SLC26A7: variants seen among roughly 807,000 people sequenced by gnomAD.
The protein encoded by SLC26A7 is anion exchange transporter.
A neutral mutation model predicts 82.5 loss-of-function variants in SLC26A7; 59 were observed. That is an observed-to-expected ratio of 0.72 (90% CI 0.58 to 0.89). SLC26A7 has a LOEUF of 0.89. Ranked by LOEUF, SLC26A7 falls within the 40% of genes least tolerant of loss-of-function variation. The pLI is 0.00. For missense variants in SLC26A7, 820 were observed against 793.0 expected (o/e 1.03, Z -0.41); for synonymous variants, 271 against 274.3 (o/e 0.99, Z 0.12).
At chr8:91,340,248 C>T (rs544336931) in intron 7 of SLC26A7, among the ~76,000 whole-genome samples, 156 bp from the exon 8 acceptor site, 52 of 152,258 alleles carry the variant, frequency 3.4e-4, no homozygotes, top group South Asian at 1.2e-3. Flanking sequence ...ATGTTGAAAA[C>T]GAAGGGCTTC....
At chr8:91,386,098 G>A (rs1300623548) in intron 15 of SLC26A7, among the ~76,000 whole-genome samples, 2 of 152,092 alleles carry the variant, frequency 1.3e-5, no homozygotes, top group African/African-American at 4.8e-5. Flanking sequence ...CATTAGCCAT[G>A]TTTGCCATGG....
intron 3 of SLC26A7, among the ~76,000 whole-genome samples, chr8:91,290,060 A>G (rs973770491): frequency 2.0e-5 from 3 of 152,240 alleles, no homozygotes; most frequent in African/African-American, 7.2e-5. Flanking sequence ...GCCTAATTTA[A>G]TACTTGCTAC....
At chr8:91,258,161 T>G (rs1208268402) in intron 2 of SLC26A7, among the ~76,000 whole-genome samples, 3 of 152,090 alleles carry the variant, frequency 2.0e-5, no homozygotes, top group Non-Finnish European at 2.9e-5. Flanking sequence ...AGAGCCACAC[T>G]ATATCACCCA....
chr8:91,323,757 G>C (rs1330342568), intron 5 of SLC26A7, among the ~76,000 whole-genome samples: 2 of 150,928 alleles, frequency 1.3e-5, no homozygotes, highest in African/African-American at 4.9e-5. Context: ...TGTTTGTACT[G>C]ATAAAAATAC....
chr8:91,266,913 T>C (rs1391962019), intron 2 of SLC26A7, among the ~76,000 whole-genome samples: 1 of 151,992 alleles, frequency 6.6e-6, no homozygotes, highest in Admixed American at 6.6e-5. Context: ...GTATATTCCT[T>C]CCATATCTAA....
rs1457798306 is a variant in SLC26A7 at position 91,348,308 on chromosome 8, G to A, written c.1141-3502G>A. On this transcript the variant is annotated intron_variant, in intron 9 of 18. Transcript: ENST00000276609. ...CACTACTTTCCACAAGACTGCACAT[G>A]CAGTGAGTTCGAGAACTACTTATGC... is the stretch of plus-strand genomic sequence containing the variant. 4 of 984,988 alleles carry A rather than the reference G, an allele frequency of 4.1e-6. No homozygotes were observed. The East Asian group carries it at 4.5e-4, about 112-fold the overall frequency. 61.0% of individuals were successfully genotyped at this position (984,988 alleles called of 1,614,324 possible). A position where few individuals can be genotyped will look rare whatever the true frequency, so the allele number is the denominator to read the frequency against.
At chr8:91,346,362 C>CT (rs1813564157) in intron 9 of SLC26A7, among the ~76,000 whole-genome samples, 1 of 152,096 alleles carries the variant, frequency 6.6e-6, no homozygotes, top group South Asian at 2.1e-4. Flanking sequence ...CGAGGAAGCA[C>CT]TATGTAAGCC....
intron 1 of SLC26A7, among the ~76,000 whole-genome samples, chr8:91,215,955 T>C (rs1009591120): frequency 1.3e-5 from 2 of 152,186 alleles, no homozygotes; most frequent in Admixed American, 1.3e-4. Flanking sequence ...GTTAAGGTGG[T>C]ACGAGAATTT....
intron 2 of SLC26A7, among the ~76,000 whole-genome samples, chr8:91,263,074 A>G (rs984949482): frequency 1.3e-5 from 2 of 152,068 alleles, no homozygotes; most frequent in Non-Finnish European, 2.9e-5. Context: ...ATTGCAACAA[A>G]GTGATTGGTA....
chr8:91,359,070 A>G (rs1813971834), intron 11 of SLC26A7, among the ~76,000 whole-genome samples: 1 of 152,248 alleles, frequency 6.6e-6, no homozygotes, highest in Admixed American at 6.5e-5. Context: ...CCTAGAACTT[A>G]AAGTATAATA....
chr8:91,328,045 T>G lies in SLC26A7; in HGVS notation c.643-6250T>G, dbSNP rs137857819. Among the ~76,000 whole-genome samples, 224 of 152,282 alleles carry G rather than the reference T, an allele frequency of 1.5e-3. 2 individuals carry two copies. Among genetic ancestry groups the G allele is most frequent in the African/African-American group, 5.3e-3 (221 of 41,594 alleles). On this transcript the variant is annotated intron_variant, in intron 5 of 18. Transcript: ENST00000276609. ...CAGAATGCAGAGGAAAGTAATGTTT[T>G]GATTAATAGAATTTTCTGGTTAATA...
At chr8:91,336,109 G>A (rs979669055) in intron 6 of SLC26A7, among the ~76,000 whole-genome samples, 6 of 152,162 alleles carry the variant, frequency 3.9e-5, no homozygotes, top group African/African-American at 1.2e-4. Context: ...AGGACATTTG[G>A]GCAGGAAATG....
chr8:91,298,848 T>A (rs1812085594), intron 4 of SLC26A7, among the ~76,000 whole-genome samples: 1 of 152,148 alleles, frequency 6.6e-6, no homozygotes, highest in Non-Finnish European at 1.5e-5. Flanking sequence ...TAGAATGAGA[T>A]TACTGGGTCA....
intron 2 of SLC26A7, among the ~76,000 whole-genome samples, chr8:91,273,811 C>A (rs1156379123): frequency 6.6e-6 from 1 of 152,126 alleles, no homozygotes; most frequent in African/African-American, 2.4e-5. Context: ...TTTCTACTTT[C>A]TCTGAATTTT....
intron 2 of SLC26A7, among the ~76,000 whole-genome samples, chr8:91,235,724 C>A (rs1193533019): frequency 6.6e-6 from 1 of 152,088 alleles, no homozygotes; most frequent in Non-Finnish European, 1.5e-5. Flanking sequence ...GAAATACTTC[C>A]AACAATCATT....
chr8:91,328,351 T>G (rs1401295726), intron 5 of SLC26A7, among the ~76,000 whole-genome samples: 1 of 152,144 alleles, frequency 6.6e-6, no homozygotes, highest in East Asian at 1.9e-4. Flanking sequence ...AATTAAAATT[T>G]GACTATATCA....
At chr8:91,381,037 T>C (rs1814657782) in intron 15 of SLC26A7, among the ~76,000 whole-genome samples, 1 of 152,058 alleles carries the variant, frequency 6.6e-6, no homozygotes, top group Non-Finnish European at 1.5e-5. Context: ...GCAAGACAAA[T>C]GAAAACATAT....
intron 5 of SLC26A7, among the ~76,000 whole-genome samples, chr8:91,332,533 CAT>C (rs1491391786): frequency 1.4e-5 from 2 of 142,340 alleles, no homozygotes; most frequent in Admixed American, 7.1e-5. Context: ...CACACACACA[CAT>C]ATTTAAGCTA....
At chr8:91,301,755 G>A (rs762049350) in intron 4 of SLC26A7, among the ~76,000 whole-genome samples, 1 of 148,842 alleles carries the variant, frequency 6.7e-6, no homozygotes, top group Non-Finnish European at 1.5e-5. Context: ...TTGTTTGGTT[G>A]TTGCTCTTCT....
Sources: gnomAD v4.1 joint callset for allele counts (sites outside exome capture counted in the v4.1 genomes callset) on GRCh38, gnomAD v4.1.1 for gene constraint, MANE v1.5 for transcripts, NCBI Gene and HGNC (gene_info 2026-07-23, HGNC 2026-07-21) for gene names.